The following SESN1 variants were observed in gnomAD, a reference collection of about 807,000 sequenced individuals.
SESN1 encodes sestrin-1.
A neutral mutation model predicts 59.3 loss-of-function variants in SESN1; 30 were observed. The ratio of observed to expected loss-of-function variants is 0.51; its 90% CI spans 0.38 to 0.69. SESN1 has a LOEUF of 0.69. Ranked by LOEUF, SESN1 falls within the 30% of genes least tolerant of loss-of-function variation. The pLI is 0.00. For synonymous variants in SESN1, 197 were observed against 219.9 expected (o/e 0.90, Z 0.92); for missense variants, 566 against 673.0 (o/e 0.84, Z 1.76).
At chr6:109,091,805 A>G (rs2114485697) in intron 1 of SESN1, among the ~76,000 whole-genome samples, 1 of 152,382 alleles carries the variant, frequency 6.6e-6, no homozygotes. Context: ...CATTTGTTGC[A>G]TAACTGCAAG....
intron 8 of SESN1, among the ~76,000 whole-genome samples, chr6:108,989,577 CTATA>C (rs1006245590): frequency 1.2e-4 from 18 of 148,694 alleles, no homozygotes; most frequent in East Asian, 7.9e-4. Flanking sequence ...CTAGAGATAT[CTATA>C]TATAGAGAGA....
At chr6:109,002,691 A>G (rs574693779) in intron 1 of SESN1, among the ~76,000 whole-genome samples, 2 of 152,342 alleles carry the variant, frequency 1.3e-5, no homozygotes, top group African/African-American at 4.8e-5. Context: ...CTAAAACTCA[A>G]CCAACCCAAA....
chr6:108,986,179 G>T lies in SESN1; in HGVS notation c.*1365C>A, dbSNP rs565393948. 1.3e-5 allele frequency among the ~76,000 whole-genome samples: 2 copies of T among 152,178 alleles called. No homozygotes were observed. The highest frequency in any genetic ancestry group is 3.9e-4 in the East Asian group (2 of 5,172). ...TCTCCCTAATGAATCCTTCTTTTTA[G>T]TAATTCTTAAAATTCTATTGGAACT... On this transcript the variant is annotated 3_prime_UTR_variant, in exon 10 of 10. Coordinates refer to ENST00000436639, the MANE Select transcript of SESN1 (RefSeq NM_014454.3).
At chr6:109,077,848 T>A (rs959254617) in intron 1 of SESN1, among the ~76,000 whole-genome samples, 2 of 152,220 alleles carry the variant, frequency 1.3e-5, no homozygotes, top group African/African-American at 2.4e-5. Flanking sequence ...GCAAATGTTA[T>A]ATGTAAAATG....
intron 1 of SESN1, among the ~76,000 whole-genome samples, chr6:109,040,898 C>T (rs1021532357): frequency 9.2e-5 from 14 of 151,878 alleles, no homozygotes; most frequent in Non-Finnish European, 1.8e-4. Context: ...GTGATCTGCC[C>T]GCCTCAGCCT....
intron 1 of SESN1, among the ~76,000 whole-genome samples, chr6:109,049,341 G>A (rs1448386146): frequency 6.6e-6 from 1 of 152,124 alleles, no homozygotes; most frequent in East Asian, 1.9e-4. Flanking sequence ...TGATCTCATG[G>A]AAGTAAAAGG....
intron 1 of SESN1, among the ~76,000 whole-genome samples, chr6:109,051,855 G>T (rs968076560): frequency 1.3e-5 from 2 of 152,138 alleles, no homozygotes; most frequent in Non-Finnish European, 2.9e-5. Flanking sequence ...GTCGAACAAA[G>T]GCAAGTTAGC....
chr6:109,053,677 G>C (rs1448716924), intron 1 of SESN1, among the ~76,000 whole-genome samples: 1 of 152,208 alleles, frequency 6.6e-6, no homozygotes, highest in East Asian at 1.9e-4. Flanking sequence ...AATGCAATGA[G>C]AAGGCATTAG....
chr6:108,991,372 A>T (rs906567207), intron 7 of SESN1, among the ~76,000 whole-genome samples: 1 of 152,124 alleles, frequency 6.6e-6, no homozygotes, highest in African/African-American at 2.4e-5. Flanking sequence ...CCTCCTGAGT[A>T]ACTGGAACTA....
At chr6:109,025,235 C>A (rs1562462672) in intron 1 of SESN1, among the ~76,000 whole-genome samples, 2 of 151,942 alleles carry the variant, frequency 1.3e-5, no homozygotes, top group Admixed American at 6.6e-5. Flanking sequence ...GGGGTAAAAT[C>A]TCCCCTGAAT....
intron 1 of SESN1, among the ~76,000 whole-genome samples, chr6:109,063,313 C>T (rs1312038446): frequency 4.0e-5 from 6 of 151,848 alleles, no homozygotes; most frequent in African/African-American, 9.7e-5. Context: ...AGGGAGCACA[C>T]GAGAAAAGAG....
At chr6:109,049,587 C>T (rs1459089671) in intron 1 of SESN1, among the ~76,000 whole-genome samples, 1 of 151,846 alleles carries the variant, frequency 6.6e-6, no homozygotes, top group East Asian at 1.9e-4. Flanking sequence ...GCTAATTATC[C>T]TGATCTGATC....
chr6:109,022,515 C>T (rs1232020770), intron 1 of SESN1, among the ~76,000 whole-genome samples: 6 of 146,728 alleles, frequency 4.1e-5, no homozygotes, highest in South Asian at 4.4e-4. Flanking sequence ...CTCCACCTCC[C>T]GGGTTCATGC....
intron 1 of SESN1, among the ~76,000 whole-genome samples, chr6:109,029,021 C>A (rs1054207464): frequency 6.6e-6 from 1 of 152,244 alleles, no homozygotes; most frequent in East Asian, 1.9e-4. Flanking sequence ...GTATAAAATT[C>A]TTATAGCTTC....
intron 1 of SESN1, among the ~76,000 whole-genome samples, chr6:109,085,128 G>GAA (rs1230968760): frequency 8.3e-6 from 1 of 120,762 alleles, no homozygotes; most frequent in Non-Finnish European, 1.8e-5. Flanking sequence ...GCAACCAACA[G>GAA]AAAAAAAAAA....
At chr6:109,078,891 A>C (rs1347987998) in intron 1 of SESN1, among the ~76,000 whole-genome samples, 1 of 152,188 alleles carries the variant, frequency 6.6e-6, no homozygotes, top group Non-Finnish European at 1.5e-5. Context: ...AAGAGAAAGG[A>C]GCTAATCATA....
chr6:109,040,854 G>A (rs1169663963), intron 1 of SESN1, among the ~76,000 whole-genome samples: 2 of 151,688 alleles, frequency 1.3e-5, no homozygotes, highest in East Asian at 3.9e-4. Flanking sequence ...GGGTTTCACC[G>A]TGTTAGCCAG....
Position 108,987,430 on chromosome 6 carries a change from C to T in SESN1, c.*114G>A, listed in dbSNP as rs1018522824. 3.4e-6 allele frequency: 2 copies of T among 586,690 alleles called. No individual in the cohort carries two copies. The highest frequency in any genetic ancestry group is 6.0e-6 in the Non-Finnish European group (2 of 331,400). The allele number at this position is 586,690 out of a possible 1,614,324, so 36.3% of individuals were successfully genotyped here. A position where few individuals can be genotyped will look rare whatever the true frequency, so the allele number is the denominator to read the frequency against. ...ATAGCAGAAACTAAAGGAATCATGG[C>T]ACAATGGATTTCTGAATTATTTTGT... On this transcript the variant is annotated 3_prime_UTR_variant, in exon 10 of 10. Transcript: ENST00000436639.
chr6:109,069,296 G>C (rs1719150730), intron 1 of SESN1, among the ~76,000 whole-genome samples: 1 of 151,824 alleles, frequency 6.6e-6, no homozygotes, highest in South Asian at 2.1e-4. Flanking sequence ...AAGCCTCCTA[G>C]AGAGGGGTAA....
Sources: allele counts gnomAD v4.1 joint callset (sites outside exome capture counted in the v4.1 genomes callset), GRCh38; gene constraint gnomAD v4.1.1; transcripts MANE v1.5; gene names NCBI Gene and HGNC (gene_info 2026-07-23, HGNC 2026-07-21).